GMDS: variants seen among roughly 807,000 people sequenced by gnomAD.
The protein encoded by GMDS is GDP-mannose 4,6-dehydratase, also known as GDP-mannose 4,6 dehydratase.
GMDS carries 20 observed loss-of-function variants against 49.9 expected under a neutral mutation model. The observed-to-expected ratio is 0.40, with a 90% CI of 0.28 to 0.58. The LOEUF (loss-of-function observed/expected upper bound fraction) is 0.58, where lower values mean the gene tolerates loss of function less well. GMDS is among the 20% of genes least tolerant of loss of function. GMDS has a pLI of 0.42. For missense variants in GMDS, 362 were observed against 481.4 expected, an observed-to-expected ratio of 0.75 and a Z score of 2.32; for synonymous variants, 177 against 178.6, an observed-to-expected ratio of 0.99 and a Z score of 0.07.
intron 9 of GMDS, among the ~76,000 whole-genome samples, chr6:1,674,650 T>A (rs1302040055): frequency 7.6e-6 from 1 of 132,188 alleles, no homozygotes; most frequent in Non-Finnish European, 1.6e-5. Flanking sequence ...CATTGCAGCC[T>A]CAACCTCCCG....
chr6:1,725,745 T>A (rs1766559287), intron 9 of GMDS, among the ~76,000 whole-genome samples: 1 of 152,194 alleles, frequency 6.6e-6, no homozygotes, highest in Admixed American at 6.5e-5. Flanking sequence ...AGATATTTTT[T>A]AAAAGTCCCT....
chr6:2,037,448 A>G (rs1769368953), intron 4 of GMDS, among the ~76,000 whole-genome samples: 2 of 152,344 alleles, frequency 1.3e-5, no homozygotes, highest in South Asian at 4.1e-4. Context: ...CTGGACTCCC[A>G]GGACAGAGAA....
chr6:1,725,217 G>A (rs964837644), intron 9 of GMDS, among the ~76,000 whole-genome samples: 49 of 152,298 alleles, frequency 3.2e-4, no homozygotes, highest in African/African-American at 1.0e-3. Flanking sequence ...ATTATCTTTA[G>A]GTATATTTCA....
chr6:1,995,744 A>C (rs1457020324), intron 4 of GMDS, among the ~76,000 whole-genome samples: 4 of 152,166 alleles, frequency 2.6e-5, no homozygotes, highest in Admixed American at 1.3e-4. Context: ...AGCCAGTCCT[A>C]TGGCTCAGGG....
chr6:2,244,983 C>A (rs942911056), intron 1 of GMDS, among the ~76,000 whole-genome samples: 1 of 152,178 alleles, frequency 6.6e-6, no homozygotes, highest in African/African-American at 2.4e-5. Context: ...GCACTAGGAG[C>A]TGCGAAGCAC....
chr6:1,692,127 G>A (rs961938248), intron 9 of GMDS, among the ~76,000 whole-genome samples: 10 of 152,214 alleles, frequency 6.6e-5, no homozygotes, highest in Admixed American at 2.0e-4. Context: ...TCCTGCCCTG[G>A]AACATCAGAC....
intron 1 of GMDS, among the ~76,000 whole-genome samples, chr6:2,214,608 G>C (rs977541403): frequency 6.6e-6 from 1 of 152,244 alleles, no homozygotes; most frequent in East Asian, 1.9e-4. Flanking sequence ...TGGTGTCTGC[G>C]AGGGTCCTGG....
intron 4 of GMDS, among the ~76,000 whole-genome samples, chr6:2,063,180 G>T (rs1262278610): frequency 6.6e-6 from 1 of 152,146 alleles, no homozygotes; most frequent in Non-Finnish European, 1.5e-5. Context: ...TTATTGAAAA[G>T]TAAGAAAAAA....
At chr6:1,736,238 A>G (rs548225421) in intron 8 of GMDS, among the ~76,000 whole-genome samples, 13 of 152,302 alleles carry the variant, frequency 8.5e-5, no homozygotes, top group African/African-American at 3.1e-4. Context: ...ATGTTGTAGT[A>G]TTTTGTTTTT....
Position 1,766,178 on chromosome 6 carries a change from A to G in GMDS, c.772-23592T>C, listed in dbSNP as rs994311385. 6.6e-6 allele frequency among the ~76,000 whole-genome samples: 1 copy of G among 152,136 alleles called. No homozygotes were observed. Among genetic ancestry groups the G allele is most frequent in the African/African-American group, 2.4e-5 (1 of 41,444 alleles). Reference sequence around the variant, plus strand: ...AATGTAATACTCTTTCAGTGCATCAAGATACCTGATGCCATGATTAATTTT... The same window carrying G: ...AATGTAATACTCTTTCAGTGCATCAGGATACCTGATGCCATGATTAATTTT... On this transcript the variant is annotated intron_variant, in intron 7 of 10. Transcript: ENST00000380815. The surrounding 1 kb of genome is among the most constrained non-coding windows in gnomAD (Gnocchi z 4.5).
intron 1 of GMDS, among the ~76,000 whole-genome samples, chr6:2,229,898 G>A (rs1029084821): frequency 2.6e-5 from 4 of 152,264 alleles, no homozygotes; most frequent in Admixed American, 1.3e-4. Flanking sequence ...TGTAAACCTC[G>A]AAGGCTTATT....
chr6:1,959,097 G>A (rs761662541), intron 6 of GMDS, among the ~76,000 whole-genome samples: 1 of 152,170 alleles, frequency 6.6e-6, no homozygotes, highest in Non-Finnish European at 1.5e-5. Context: ...AAGGGAGTGG[G>A]GAATAAGGGG....
chr6:1,709,351 G>T (rs935113867), intron 9 of GMDS, among the ~76,000 whole-genome samples: 6 of 152,234 alleles, frequency 3.9e-5, no homozygotes, highest in African/African-American at 1.4e-4. Flanking sequence ...GAGGCTTCGT[G>T]GGGGAGCACG....
At chr6:1,647,987 T>C (rs1399541416) in intron 9 of GMDS, among the ~76,000 whole-genome samples, 1 of 152,158 alleles carries the variant, frequency 6.6e-6, no homozygotes, top group Non-Finnish European at 1.5e-5. Flanking sequence ...GCTCGGGTGC[T>C]CTGTACCTGC....
chr6:2,171,260 AAAG>A (rs569570044), intron 1 of GMDS, among the ~76,000 whole-genome samples: 22 of 152,294 alleles, frequency 1.4e-4, no homozygotes, highest in African/African-American at 4.6e-4. Flanking sequence ...CAAAAGATTA[AAAG>A]AATAACAACA....
intron 7 of GMDS, among the ~76,000 whole-genome samples, chr6:1,804,873 A>G (rs1770105613): frequency 6.6e-6 from 1 of 152,250 alleles, no homozygotes; most frequent in Admixed American, 6.5e-5. Flanking sequence ...TTTAAGGCAT[A>G]GAACACTAAG....
intron 7 of GMDS, among the ~76,000 whole-genome samples, chr6:1,803,388 T>A (rs1770028094): frequency 6.7e-6 from 1 of 150,112 alleles, no homozygotes; most frequent in African/African-American, 2.4e-5. Context: ...AAAACCACAA[T>A]TTTTTTTTTC....
At chr6:1,959,177 T>C (rs887722341) in intron 6 of GMDS, among the ~76,000 whole-genome samples, 2 of 152,202 alleles carry the variant, frequency 1.3e-5, no homozygotes, top group Admixed American at 6.5e-5. Flanking sequence ...TGGAGTGCTC[T>C]ATAGTTTATC....
chr6:2,205,856 T>C (rs575777478), intron 1 of GMDS, among the ~76,000 whole-genome samples: 3 of 152,324 alleles, frequency 2.0e-5, no homozygotes, highest in South Asian at 4.1e-4. Context: ...ATTTCTTTAA[T>C]AGATATGCTA....
Sources: allele counts gnomAD v4.1 joint callset (sites outside exome capture counted in the v4.1 genomes callset), GRCh38; gene constraint gnomAD v4.1.1; non-coding constraint Gnocchi (gnomAD v3.1); transcripts MANE v1.5; gene names NCBI Gene and HGNC (gene_info 2026-07-23, HGNC 2026-07-21).